Variants in WBP2NL observed in about 807,000 individuals in gnomAD.
The protein encoded by WBP2NL is postacrosomal sheath WW domain-binding protein.
Under a neutral mutation model 23.3 loss-of-function variants are expected in WBP2NL, and 27 were observed. The ratio of observed to expected loss-of-function variants is 1.16; its 90% CI spans 0.85 to 1.60. The LOEUF (loss-of-function observed/expected upper bound fraction) is 1.60. Among genes scored for constraint, WBP2NL ranks in the 40% most tolerant of loss-of-function variants. The probability of loss-of-function intolerance (pLI) is 0.00; values close to 1 mark genes in which losing one functional copy is unlikely to be tolerated. For synonymous variants in WBP2NL, 151 were observed against 145.9 expected, an observed-to-expected ratio of 1.03 and a Z score of -0.25; for missense variants, 370 against 389.5, an observed-to-expected ratio of 0.95 and a Z score of 0.42.
chr22:42,038,629 G>A (rs987470045), intron 8 of WBP2NL, among the ~76,000 whole-genome samples: 1 of 152,044 alleles, frequency 6.6e-6, no homozygotes, highest in Non-Finnish European at 1.5e-5. Context: ...TTGAGACCAA[G>A]TCTCGCTCTG....
intron 1 of WBP2NL, chr22:42,001,427 A>G: frequency 1.2e-6 from 1 of 816,166 alleles, no homozygotes; most frequent in South Asian, 1.5e-5. Context: ...AATACCCTGC[A>G]CAGACACGTT....
intron 1 of WBP2NL, among the ~76,000 whole-genome samples, chr22:42,010,588 G>A: frequency 6.6e-6 from 1 of 151,974 alleles, no homozygotes; most frequent in East Asian, 1.9e-4. Context: ...GCCCAGGCTG[G>A]AGTGCAGTGG....
In WBP2NL at chr22:42,027,632, A is replaced by G; in HGVS notation, c.*451A>G. 3.7e-6 allele frequency: 1 copy of G among 271,924 alleles called. No individual in the cohort carries two copies. Among genetic ancestry groups the G allele is most frequent in the Non-Finnish European group, 6.8e-6 (1 of 146,372 alleles). The allele number at this position is 271,924 out of a possible 1,614,324, so 16.8% of individuals were successfully genotyped here. ...GTAAGAGTGTTATAAATTACGGTGGATCCACAAAATGGAGTATTATACACC... is the reference window on the plus strand; with the variant it reads ...GTAAGAGTGTTATAAATTACGGTGGGTCCACAAAATGGAGTATTATACACC... On this transcript the variant is annotated 3_prime_UTR_variant, in exon 6 of 6. Coordinates refer to ENST00000328823, the MANE Select transcript of WBP2NL (RefSeq NM_152613.3).
At chr22:42,039,355 C>CTTTT (rs57767168) in intron 8 of WBP2NL, among the ~76,000 whole-genome samples, 4 of 141,160 alleles carry the variant, frequency 2.8e-5, no homozygotes, top group Admixed American at 7.0e-5. Context: ...GGATTACAGG[C>CTTTT]TTTTTTTTTT....
chr22:42,008,451 C>T (rs2146764821), intron 1 of WBP2NL, among the ~76,000 whole-genome samples: 1 of 152,152 alleles, frequency 6.6e-6, no homozygotes, highest in Non-Finnish European at 1.5e-5. Flanking sequence ...AAGTGATCCA[C>T]TCACCTTGGC....
chr22:42,047,028 C>G (rs939980101), intron 8 of WBP2NL, among the ~76,000 whole-genome samples: 3 of 152,066 alleles, frequency 2.0e-5, no homozygotes, highest in Non-Finnish European at 4.4e-5. Flanking sequence ...ATAGAAAACA[C>G]CTGCTATTCA....
At chr22:42,014,126 G>T (rs893036460) in intron 1 of WBP2NL, among the ~76,000 whole-genome samples, 22 of 151,966 alleles carry the variant, frequency 1.4e-4, no homozygotes, top group Non-Finnish European at 2.6e-4. Context: ...TCACTATGTT[G>T]CCCAAGCTGG....
intron 1 of WBP2NL, among the ~76,000 whole-genome samples, chr22:42,012,454 T>C (rs1033015751): frequency 1.3e-5 from 2 of 152,186 alleles, no homozygotes; most frequent in Non-Finnish European, 2.9e-5. Context: ...TCTGATTTCT[T>C]CTTTGACTCA....
chr22:42,021,463 C>T (rs891123512), intron 4 of WBP2NL, among the ~76,000 whole-genome samples: 13 of 152,064 alleles, frequency 8.5e-5, no homozygotes, highest in African/African-American at 2.9e-4. Context: ...TGTTTGTAGA[C>T]GTAATTAATT....
intron 1 of WBP2NL, chr22:42,003,257 C>G (rs1457465577): frequency 6.6e-6 from 1 of 152,146 alleles, no homozygotes; most frequent in Non-Finnish European, 1.5e-5. Context: ...TACTCTTATA[C>G]TGTAAAACAT....
At chr22:42,041,356 C>T (rs1925392620) in intron 8 of WBP2NL, among the ~76,000 whole-genome samples, 1 of 151,992 alleles carries the variant, frequency 6.6e-6, no homozygotes, top group African/African-American at 2.4e-5. Context: ...GTGGCACACA[C>T]CTGTAGTCCC....
chr22:42,007,976 C>T (rs59993856), intron 1 of WBP2NL, among the ~76,000 whole-genome samples: 43,573 of 151,984 alleles, frequency 0.29, 6,722 homozygotes, highest in Admixed American at 0.36. Context: ...GAGGAGCCTC[C>T]GGACTGTTTT....
intron 8 of WBP2NL, among the ~76,000 whole-genome samples, chr22:42,044,738 A>C (rs1925519439): frequency 6.6e-6 from 1 of 152,104 alleles, no homozygotes. Flanking sequence ...CCAGGAAGTC[A>C]AGGCTGCAGT....
intron 8 of WBP2NL, among the ~76,000 whole-genome samples, chr22:42,049,700 C>CAAAAAAAAAA (rs1569455123): frequency 8.2e-5 from 3 of 36,492 alleles, no homozygotes; most frequent in African/African-American, 9.8e-5. Context: ...CAAAACAAAA[C>CAAAAAAAAAA]AAAACAAAAA....
At chr22:42,010,950 C>T (rs941601324) in intron 1 of WBP2NL, among the ~76,000 whole-genome samples, 74 of 152,196 alleles carry the variant, frequency 4.9e-4, no homozygotes, top group African/African-American at 5.1e-4. Flanking sequence ...TTTTCCTATG[C>T]TGAACCATCC....
At chr22:42,015,075 A>C (rs1382412739) in intron 1 of WBP2NL, among the ~76,000 whole-genome samples, 1 of 152,170 alleles carries the variant, frequency 6.6e-6, no homozygotes, top group Non-Finnish European at 1.5e-5. Context: ...GGACATTTTG[A>C]ATATTTTAAT....
chr22:41,999,661 G>T (rs1445336645), intron 1 of WBP2NL, among the ~76,000 whole-genome samples: 3 of 152,104 alleles, frequency 2.0e-5, no homozygotes, highest in Non-Finnish European at 2.9e-5. Flanking sequence ...CCAGCTGCTT[G>T]GGAGGCGATG....
chr22:42,027,356 T>G lies in WBP2NL; in HGVS notation c.*175T>G, dbSNP rs1023047385. ...TGAAACTTTACTTCTGTGCCTAGAT[T>G]TTAGAAGCAGAATCAACTCTTAAAT... is the stretch of plus-strand genomic sequence containing the variant. On this transcript the variant is annotated 3_prime_UTR_variant, in exon 6 of 6. Coordinates refer to ENST00000328823, the MANE Select transcript of WBP2NL (RefSeq NM_152613.3). 1.3e-6 allele frequency: 1 copy of G among 765,316 alleles called. No homozygotes were observed. The highest frequency in any genetic ancestry group is 3.3e-5 in the Admixed American group (1 of 30,576). 47.4% of individuals were successfully genotyped at this position (765,316 alleles called of 1,614,324 possible). A position where few individuals can be genotyped will look rare whatever the true frequency, so the allele number is the denominator to read the frequency against.
Position 42,019,644 on chromosome 22 carries a change from G to C in WBP2NL, c.172-18G>C. 6.2e-7 allele frequency: 1 copy of C among 1,613,596 alleles called. No homozygotes were observed. ...ACAAATTCTGCATTCCTTTTCCAAA[G>C]TTTCTGTCCTTGCGTAGGTGATTTT... On this transcript the variant is annotated intron_variant, in intron 2 of 5. Transcript: ENST00000328823.
Sources: gnomAD v4.1 joint callset for allele counts (sites outside exome capture counted in the v4.1 genomes callset) on GRCh38, gnomAD v4.1.1 for gene constraint, MANE v1.5 for transcripts, NCBI Gene and HGNC (gene_info 2026-07-23, HGNC 2026-07-21) for gene names.